CCDC91: variants seen among roughly 807,000 people sequenced by gnomAD.
CCDC91 encodes coiled-coil domain-containing protein 91.
A neutral mutation model predicts 63.2 loss-of-function variants in CCDC91; 48 were observed. The ratio of observed to expected loss-of-function variants is 0.76; its 90% CI spans 0.60 to 0.97. CCDC91 has a LOEUF of 0.97. Ranked by LOEUF, CCDC91 falls within the 50% of genes least tolerant of loss-of-function variation. The probability of loss-of-function intolerance (pLI) is 0.00; values close to 1 mark genes in which losing one functional copy is unlikely to be tolerated. For synonymous variants in CCDC91, 167 were observed against 165.8 expected (o/e 1.01, Z -0.06); for missense variants, 500 against 494.6 (o/e 1.01, Z -0.10).
intron 3 of CCDC91, among the ~76,000 whole-genome samples, chr12:28,273,295 A>G (rs1947916497): frequency 6.6e-6 from 1 of 152,166 alleles, no homozygotes; most frequent in South Asian, 2.1e-4. Context: ...TGCCGCAGTA[A>G]ACATACGTGT....
chr12:28,319,249 A>G (rs1940229596), intron 6 of CCDC91: 1 of 152,004 alleles, frequency 6.6e-6, no homozygotes, highest in African/African-American at 2.4e-5. Flanking sequence ...AAATGTAAAA[A>G]TAATTCCATG....
In CCDC91 at chr12:28,461,138, C is replaced by G. The variant is rs578239683; in HGVS notation, c.1101+8484C>G. Among the ~76,000 whole-genome samples, 10 of 152,030 alleles carry G rather than the reference C, an allele frequency of 6.6e-5. No homozygotes were observed. The South Asian group carries it at 1.0e-3, about 16-fold the overall frequency. ...CAAAAAAAAAGAACAGTAAAAATAC[C>G]TGTTATAATCTTAAGAGACCAATGT... is the stretch of plus-strand genomic sequence containing the variant. On this transcript the variant is annotated intron_variant, in intron 11 of 12. Transcript: ENST00000536442.
chr12:28,500,954 C>G (rs187150371), intron 12 of CCDC91, among the ~76,000 whole-genome samples: 11 of 151,756 alleles, frequency 7.2e-5, no homozygotes, highest in Admixed American at 6.6e-4. Flanking sequence ...ATATATACTT[C>G]AGGTTCTTCA....
At chr12:28,504,661 A>G (rs745379132) in intron 12 of CCDC91, among the ~76,000 whole-genome samples, 9 of 151,906 alleles carry the variant, frequency 5.9e-5, no homozygotes, top group Non-Finnish European at 1.0e-4. Context: ...TGGTATCCTT[A>G]CTTTTACTCT....
chr12:28,541,111 T>C (rs1390808602), intron 12 of CCDC91, among the ~76,000 whole-genome samples: 1 of 152,156 alleles, frequency 6.6e-6, no homozygotes, highest in African/African-American at 2.4e-5. Flanking sequence ...TATTTGTTGC[T>C]TTTCATTTTA....
At chr12:28,440,509 C>G (rs951462992) in intron 8 of CCDC91, among the ~76,000 whole-genome samples, 2 of 152,068 alleles carry the variant, frequency 1.3e-5, no homozygotes, top group African/African-American at 4.8e-5. Flanking sequence ...ATCTTCTTGA[C>G]CTGGATGTAG....
intron 12 of CCDC91, among the ~76,000 whole-genome samples, chr12:28,497,148 C>A (rs990428675): frequency 7.9e-5 from 12 of 151,012 alleles, no homozygotes; most frequent in South Asian, 2.1e-4. Flanking sequence ...GATGAGATTT[C>A]CATTGTTTCT....
intron 8 of CCDC91, among the ~76,000 whole-genome samples, chr12:28,409,841 G>GT (rs1460151784): frequency 1.3e-5 from 2 of 151,728 alleles, no homozygotes; most frequent in Non-Finnish European, 2.9e-5. Flanking sequence ...ATATGTCGGT[G>GT]TTTTTCAGAT....
intron 7 of CCDC91, among the ~76,000 whole-genome samples, chr12:28,374,308 T>A (rs1202210322): frequency 6.6e-6 from 1 of 152,212 alleles, no homozygotes; most frequent in Non-Finnish European, 1.5e-5. Flanking sequence ...GTTGAGGGTT[T>A]GTTTACGTCA....
At chr12:28,399,227 A>G (rs1439469839) in intron 8 of CCDC91, among the ~76,000 whole-genome samples, 1 of 152,178 alleles carries the variant, frequency 6.6e-6, no homozygotes, top group South Asian at 2.1e-4. Flanking sequence ...CAGAAGGGGA[A>G]GCAAACATGT....
At chr12:28,534,026 A>G (rs1406949842) in intron 12 of CCDC91, among the ~76,000 whole-genome samples, 4 of 152,172 alleles carry the variant, frequency 2.6e-5, no homozygotes, top group Non-Finnish European at 4.4e-5. Flanking sequence ...TTTTAAAAAG[A>G]TAACCACACT....
intron 11 of CCDC91, among the ~76,000 whole-genome samples, chr12:28,470,409 G>A (rs1369769296): frequency 6.6e-6 from 1 of 152,054 alleles, no homozygotes; most frequent in Admixed American, 6.6e-5. Context: ...AGTTAAAATG[G>A]CTTGTATCCA....
chr12:28,460,791 CTG>C (rs921964129), intron 11 of CCDC91, among the ~76,000 whole-genome samples: 5 of 140,818 alleles, frequency 3.6e-5, no homozygotes, highest in African/African-American at 7.4e-5. Flanking sequence ...ATAAATATAT[CTG>C]TATGTGTGTG....
chr12:28,519,719 C>G (rs1282808265), intron 12 of CCDC91, among the ~76,000 whole-genome samples: 2 of 116,252 alleles, frequency 1.7e-5, no homozygotes, highest in Non-Finnish European at 3.5e-5. Context: ...TCCCTCCCCC[C>G]TCCCCCCACC....
chr12:28,406,775 G>C (rs557438662), intron 8 of CCDC91, among the ~76,000 whole-genome samples: 1 of 149,880 alleles, frequency 6.7e-6, no homozygotes, highest in African/African-American at 2.4e-5. Flanking sequence ...CATTCATTTT[G>C]AGTTGATTTT....
At chr12:28,238,456 A>G (rs1945114224) in intron 1 of CCDC91, among the ~76,000 whole-genome samples, 1 of 152,188 alleles carries the variant, frequency 6.6e-6, no homozygotes, top group Admixed American at 6.5e-5. Flanking sequence ...ATTAGTTTTT[A>G]TATTTTGCTG....
intron 1 of CCDC91, among the ~76,000 whole-genome samples, chr12:28,233,695 C>T (rs1944752908): frequency 6.6e-6 from 1 of 151,928 alleles, no homozygotes; most frequent in Non-Finnish European, 1.5e-5. Flanking sequence ...ATTATTGAAC[C>T]CTGACTTCTC....
intron 3 of CCDC91, chr12:28,304,560 C>A: frequency 3.8e-6 from 2 of 531,070 alleles, no homozygotes; most frequent in Non-Finnish European, 5.9e-6. Flanking sequence ...CTTAGAATAT[C>A]AATCACAAAT....
rs142575885 is a variant in CCDC91 at position 28,457,088 on chromosome 12, C to T, written c.1101+4434C>T. On this transcript the variant is annotated intron_variant, in intron 11 of 12. Transcript: ENST00000536442. The stretch of plus-strand genomic sequence containing the variant: ...AGTTATTGGTGCTGTCTGTGTCACC[C>T]TGTAACCCATGATTGAGTAGCCAGG... Among the ~76,000 whole-genome samples the T allele has an allele frequency of 6.5e-4, 99 of 152,140 alleles. 2 individuals are homozygous for T. The East Asian group carries it at 0.019, about 29-fold the overall frequency.
Sources: gnomAD v4.1 joint callset for allele counts (sites outside exome capture counted in the v4.1 genomes callset) on GRCh38, gnomAD v4.1.1 for gene constraint, MANE v1.5 for transcripts, NCBI Gene and HGNC (gene_info 2026-07-23, HGNC 2026-07-21) for gene names.